SLC46A2: variants seen among roughly 807,000 people sequenced by gnomAD.
The protein encoded by SLC46A2 is thymic stromal co-transporter.
In SLC46A2, 25 loss-of-function variants were observed where a neutral mutation model predicts 33.1. That is an observed-to-expected ratio of 0.76 (90% CI 0.55 to 1.06). The LOEUF (loss-of-function observed/expected upper bound fraction) is 1.06. SLC46A2 is among the 50% of genes least tolerant of loss of function. SLC46A2 has a pLI of 0.00. For synonymous variants in SLC46A2, 254 were observed against 275.9 expected, an observed-to-expected ratio of 0.92 and a Z score of 0.79; for missense variants, 622 against 621.7, an observed-to-expected ratio of 1.00 and a Z score of 0.00.
intron 1 of SLC46A2, among the ~76,000 whole-genome samples, chr9:112,888,172 G>A (rs532235940): frequency 2.7e-3 from 404 of 152,260 alleles, no homozygotes; most frequent in Non-Finnish European, 4.2e-3. Flanking sequence ...AGCTACTTGG[G>A]AGGCTGAGGC....
intron 3 of SLC46A2, among the ~76,000 whole-genome samples, chr9:112,886,248 TCTTA>T (rs1271095942): frequency 6.6e-6 from 1 of 152,218 alleles, no homozygotes; most frequent in Non-Finnish European, 1.5e-5. Flanking sequence ...TGACCCTGTT[TCTTA>T]CTTGTGATTT....
Position 112,890,504 on chromosome 9 carries a change from G to A in SLC46A2, c.178C>T (p.Pro60Ser). ...TCCTCTAGAGCCCCCCGGGGCGATG[G>A]GCTGGCACTGTGGTTGGAGGAGCCT... ...TGGSSNHSAS[P>S]SPRGALEDQQ... is the part of the protein sequence containing the mutation. Residue 60 changes from proline (P) to serine (S), a missense_variant, in exon 1 of 4, where the codon CCA becomes TCA. Physicochemically the swap from Pro to Ser is moderately conservative, Grantham distance 74. Coordinates refer to ENST00000374228, the MANE Select transcript of SLC46A2 (RefSeq NM_033051.4). This position sits in a 1 kb window ranked among gnomAD's most constrained non-coding sequence, Gnocchi z 6.0. 2.5e-6 allele frequency: 4 copies of A among 1,614,190 alleles called. No homozygotes were observed. Among genetic ancestry groups the A allele is most frequent in the Non-Finnish European group, 3.4e-6 (4 of 1,180,036 alleles).
At position 112,886,544 on chromosome 9, in the gene SLC46A2, A is replaced by T; in HGVS notation, c.1286T>A (p.Ile429Asn). The change falls in exon 3 of 4, where the codon ATC (isoleucine) becomes AAC (asparagine). Residue 429 changes from isoleucine (I) to asparagine (N), a missense_variant. Ile to Asn is a moderately radical substitution (Grantham distance 149). Transcript: ENST00000374228. ...AAACATGTCCATGGTGAGCTGGTAG[A>T]TCTTGTTGTACAAGGTGGATGTCAC... ...GVVTSTLYNK[I>N]YQLTMDMFVG... is the part of the protein sequence containing the mutation. 3.7e-6 allele frequency: 6 copies of T among 1,614,166 alleles called. No individual in the cohort carries two copies. Among genetic ancestry groups the T allele is most frequent in the Non-Finnish European group, 5.1e-6 (6 of 1,180,016 alleles).
In SLC46A2 at chr9:112,890,269, C is replaced by T. The variant is rs777663312; in HGVS notation, c.413G>A (p.Gly138Glu). Residue 138 changes from glycine to glutamate, a missense_variant, in exon 1 of 4, where the codon GGG becomes GAG. By Grantham distance (98) the Gly-to-Glu change is moderately conservative. Coordinates refer to ENST00000374228, the MANE Select transcript of SLC46A2 (RefSeq NM_033051.4). The surrounding 1 kb of genome is among the most constrained non-coding windows in gnomAD (Gnocchi z 6.0). ...LLDWPVEVLY[G>E]AAALNGLFGG... Reference sequence around the variant, plus strand: ...GAATAGCCCGTTCAGCGCCGCCGCCCCGTACAGCACCTCCACTGGCCAGTC... The same window carrying T: ...GAATAGCCCGTTCAGCGCCGCCGCCTCGTACAGCACCTCCACTGGCCAGTC... The T allele has an allele frequency of 6.2e-7, 1 of 1,613,498 alleles. No individual in the cohort carries two copies.
chr9:112,889,317 C>T (rs1016041356), intron 1 of SLC46A2, among the ~76,000 whole-genome samples: 1 of 152,086 alleles, frequency 6.6e-6, no homozygotes, highest in Non-Finnish European at 1.5e-5. Flanking sequence ...ACCTCCTTGA[C>T]TGCCCAGAAC....
At chr9:112,880,592 C>G (rs1451780244) in intron 3 of SLC46A2, 2 of 153,184 alleles carry the variant, frequency 1.3e-5, no homozygotes, top group Non-Finnish European at 2.9e-5. Flanking sequence ...CCCAACCTCC[C>G]TGGTAGGTGG....
In SLC46A2 at chr9:112,890,413, A is replaced by AG. The variant is rs752769979; in HGVS notation, c.268dup (p.Leu90ProfsTer88). 1.5e-5 allele frequency: 25 copies of AG among 1,614,096 alleles called. No homozygotes were observed. The highest frequency in any genetic ancestry group is 6.7e-5 in the African/African-American group (5 of 74,944). ...CCATCCCAGCCCGTAGGCGGACAGC[A>AG]GGGGGGACAGGCCCACCACAAGGTT... is the stretch of plus-strand genomic sequence containing the variant. On this transcript the variant is annotated frameshift_variant, in exon 1 of 4. Coordinates refer to ENST00000374228, the MANE Select transcript of SLC46A2 (RefSeq NM_033051.4). LOFTEE classifies it high-confidence loss of function. The surrounding 1 kb of genome is among the most constrained non-coding windows in gnomAD (Gnocchi z 6.0).
chr9:112,886,137 G>A (rs1226775731), intron 3 of SLC46A2, among the ~76,000 whole-genome samples: 1 of 152,200 alleles, frequency 6.6e-6, no homozygotes, highest in Non-Finnish European at 1.5e-5. Flanking sequence ...AGGTCTGATG[G>A]TTCATGAAGG....
intron 3 of SLC46A2, among the ~76,000 whole-genome samples, chr9:112,883,560 G>A (rs1292831905): frequency 6.6e-6 from 1 of 151,846 alleles, no homozygotes; most frequent in African/African-American, 2.4e-5. Flanking sequence ...GGCACATAGG[G>A]CTGTTTAAGA....
At chr9:112,889,122 C>T (rs1284941655) in intron 1 of SLC46A2, among the ~76,000 whole-genome samples, 1 of 152,252 alleles carries the variant, frequency 6.6e-6, no homozygotes, top group South Asian at 2.1e-4. Flanking sequence ...AACTCCTGGC[C>T]TCAAGTGATC....
intron 3 of SLC46A2, among the ~76,000 whole-genome samples, chr9:112,880,630 T>A (rs974935197): frequency 9.2e-5 from 14 of 152,222 alleles, no homozygotes; most frequent in African/African-American, 3.4e-4. Context: ...ATCTCCTTGT[T>A]CAGGTGCTGT....
In SLC46A2 at chr9:112,890,162, T is replaced by G; in HGVS notation, c.520A>C (p.Ile174Leu). The G allele has an allele frequency of 6.2e-7, 1 of 1,613,636 alleles. No homozygotes were observed. The highest frequency in any genetic ancestry group is 8.5e-7 in the Non-Finnish European group (1 of 1,179,998). The stretch of plus-strand genomic sequence containing the variant: ...AAGCCCAGCATCAGGTCAATGAGGA[T>G]GAGGCGCACAGAGCGGCGGCCCTCG... ...SSEGRRSVRL[I>L]LIDLMLGLAG... The change falls in exon 1 of 4, where the codon ATC (isoleucine) becomes CTC (leucine). Residue 174 changes from isoleucine to leucine, a missense_variant. Ile to Leu is a conservative substitution (Grantham distance 5, BLOSUM62 2). Transcript: ENST00000374228. The surrounding 1 kb of genome is among the most constrained non-coding windows in gnomAD (Gnocchi z 6.0).
intron 3 of SLC46A2, among the ~76,000 whole-genome samples, chr9:112,882,123 T>A (rs1645931439): frequency 6.6e-6 from 1 of 152,168 alleles, no homozygotes; most frequent in East Asian, 1.9e-4. Flanking sequence ...TGTTTCTTTT[T>A]TGAGACAGAG....
At chr9:112,885,316 C>G (rs1841628713) in intron 3 of SLC46A2, 1 of 152,064 alleles carries the variant, frequency 6.6e-6, no homozygotes, top group South Asian at 2.1e-4. Context: ...TACTCTGCTG[C>G]CTACTATACC....
chr9:112,890,037 A>G lies in SLC46A2; in HGVS notation c.645T>C (p.Cys215=). 1 of 1,613,982 alleles carries G rather than the reference A, an allele frequency of 6.2e-7. No individual in the cohort carries two copies. ...GGCTGTAGAGCAGGGCAAACGAGGC[A>G]CAGCTCACGCTGCAGGCCGTCAGTA... ...GLILTACSVS[C]ASFALLYSLL... The change falls in exon 1 of 4, where the codon TGT becomes TGC. Residue 215 remains cysteine (C), a synonymous_variant. Transcript: ENST00000374228. The surrounding 1 kb of genome is among the most constrained non-coding windows in gnomAD (Gnocchi z 6.0).
Position 112,890,544 on chromosome 9 carries a change from C to T in SLC46A2, c.138G>A (p.Ala46=), listed in dbSNP as rs750983304. The change falls in exon 1 of 4, where the codon GCG becomes GCA. Residue 46 remains alanine (A), a synonymous_variant. Transcript: ENST00000374228. The surrounding 1 kb of genome is among the most constrained non-coding windows in gnomAD (Gnocchi z 6.0). ...TGGAGGAGCCTCCGGTTCCGTAGGA[C>T]GCCTTCACCACGAGGAGTAGCCCCG... ...YDAGLLLVVK[A]SYGTGGSSNH... 4.0e-5 allele frequency: 64 copies of T among 1,613,744 alleles called. No individual in the cohort carries two copies. Among genetic ancestry groups the T allele is most frequent in the South Asian group, 7.7e-5 (7 of 91,086 alleles).
At chr9:112,889,282 A>G (rs543766425) in intron 1 of SLC46A2, among the ~76,000 whole-genome samples, 6 of 152,202 alleles carry the variant, frequency 3.9e-5, no homozygotes, top group South Asian at 2.1e-4. Context: ...AGCCTCCCCT[A>G]CTGACTCCAG....
intron 3 of SLC46A2, among the ~76,000 whole-genome samples, chr9:112,882,690 G>T (rs1338674081): frequency 1.3e-5 from 2 of 152,014 alleles, no homozygotes; most frequent in African/African-American, 2.4e-5. Flanking sequence ...GATTGGAGGT[G>T]GGGGGAGATG....
intron 1 of SLC46A2, 95 bp downstream of exon 1, chr9:112,889,458 C>G (rs1306094767): frequency 8.7e-6 from 12 of 1,376,534 alleles, no homozygotes; most frequent in Non-Finnish European, 1.1e-5. Flanking sequence ...ATCCCTGGTG[C>G]TGAGCTAGGA....
Sources: allele counts gnomAD v4.1 joint callset (sites outside exome capture counted in the v4.1 genomes callset), GRCh38; gene constraint gnomAD v4.1.1; non-coding constraint Gnocchi (gnomAD v3.1); transcripts MANE v1.5; gene names NCBI Gene and HGNC (gene_info 2026-07-23, HGNC 2026-07-21).